Variants in OXR1 observed in about 807,000 individuals in gnomAD.
The protein encoded by OXR1 is oxidation resistance 1.
In OXR1, 41 loss-of-function variants were observed where a neutral mutation model predicts 104.6. The ratio of observed to expected loss-of-function variants is 0.39; its 90% CI spans 0.31 to 0.51. The LOEUF (loss-of-function observed/expected upper bound fraction) is 0.51, where lower values mean the gene tolerates loss of function less well. OXR1 is among the 20% of genes least tolerant of loss of function. The probability of loss-of-function intolerance (pLI) is 0.77; values close to 1 mark genes in which losing one functional copy is unlikely to be tolerated. For missense variants in OXR1, 955 were observed against 1,031.9 expected, an observed-to-expected ratio of 0.93 and a Z score of 1.02; for synonymous variants, 348 against 348.4, an observed-to-expected ratio of 1.00 and a Z score of 0.01.
chr8:106,445,083 A>C (rs545976809), intron 2 of OXR1, among the ~76,000 whole-genome samples: 26 of 152,198 alleles, frequency 1.7e-4, no homozygotes, highest in Non-Finnish European at 3.5e-4. Flanking sequence ...CCATTTATTT[A>C]CAGGGAATTA....
At chr8:106,730,359 GC>G (rs1376928817) in intron 11 of OXR1, among the ~76,000 whole-genome samples, 2 of 151,824 alleles carry the variant, frequency 1.3e-5, no homozygotes, top group Non-Finnish European at 2.9e-5. Context: ...TAATTTTTCT[GC>G]CCTAAAAATT....
intron 1 of OXR1, among the ~76,000 whole-genome samples, chr8:106,320,905 C>G (rs934882822): frequency 6.6e-6 from 1 of 152,186 alleles, no homozygotes; most frequent in Non-Finnish European, 1.5e-5. Flanking sequence ...CTCCTGGCCT[C>G]AAGTGATCCA....
At chr8:106,431,902 G>A (rs961876027) in intron 2 of OXR1, among the ~76,000 whole-genome samples, 1 of 152,142 alleles carries the variant, frequency 6.6e-6, no homozygotes, top group Non-Finnish European at 1.5e-5. Context: ...GATGATACAT[G>A]TTCACATCAT....
At chr8:106,721,612 G>A (rs999835895) in intron 11 of OXR1, among the ~76,000 whole-genome samples, 1 of 152,042 alleles carries the variant, frequency 6.6e-6, no homozygotes, top group Non-Finnish European at 1.5e-5. Context: ...ATCTTTTTAG[G>A]TACATGACAT....
At chr8:106,601,771 A>C (rs773595578) in intron 3 of OXR1, among the ~76,000 whole-genome samples, 2 of 152,222 alleles carry the variant, frequency 1.3e-5, no homozygotes. Flanking sequence ...ATTAGGTTAC[A>C]TTATGTAGCA....
At chr8:106,404,398 C>G (rs1321268546) in intron 2 of OXR1, among the ~76,000 whole-genome samples, 1 of 152,152 alleles carries the variant, frequency 6.6e-6, no homozygotes, top group African/African-American at 2.4e-5. Flanking sequence ...CTCATTTTAA[C>G]AGTAGAGAAC....
At chr8:106,638,277 T>C (rs1026726978) in intron 3 of OXR1, among the ~76,000 whole-genome samples, 1 of 152,332 alleles carries the variant, frequency 6.6e-6, no homozygotes, top group African/African-American at 2.4e-5. Flanking sequence ...TTCTAATTAA[T>C]CTTTCAAGTC....
intron 11 of OXR1, among the ~76,000 whole-genome samples, chr8:106,724,229 T>C (rs1360320774): frequency 6.6e-6 from 1 of 152,232 alleles, no homozygotes; most frequent in Non-Finnish European, 1.5e-5. Flanking sequence ...ATCTGAATTA[T>C]GAGAACAGAT....
chr8:106,695,439 A>T (rs1829913863), intron 7 of OXR1, among the ~76,000 whole-genome samples: 1 of 147,566 alleles, frequency 6.8e-6, no homozygotes, highest in African/African-American at 2.5e-5. Context: ...TTTCTCCGAG[A>T]CAGAGTCTCA....
chr8:106,403,071 C>T (rs1012317583), intron 2 of OXR1, among the ~76,000 whole-genome samples: 1 of 152,182 alleles, frequency 6.6e-6, no homozygotes, highest in African/African-American at 2.4e-5. Context: ...CCACCCGTCT[C>T]GGCCTCCCGA....
intron 5 of OXR1, among the ~76,000 whole-genome samples, 165 bp from the exon 6 acceptor site, chr8:106,684,081 G>A (rs1441528614): frequency 6.6e-6 from 1 of 152,084 alleles, no homozygotes; most frequent in Admixed American, 6.5e-5. Context: ...TGTCTAAACT[G>A]ATTTTAAAGG....
At chr8:106,367,526 A>T (rs1013112229) in intron 2 of OXR1, among the ~76,000 whole-genome samples, 3 of 152,176 alleles carry the variant, frequency 2.0e-5, no homozygotes, top group South Asian at 2.1e-4. Flanking sequence ...ATTAGAATTT[A>T]AAAATATTTA....
chr8:106,657,687 T>C, intron 3 of OXR1: 1 of 320,634 alleles, frequency 3.1e-6, no homozygotes, highest in African/African-American at 2.2e-5. Flanking sequence ...CCGCATCGGT[T>C]CCAGGAAGAA....
intron 1 of OXR1, among the ~76,000 whole-genome samples, chr8:106,285,788 A>G (rs1039804139): frequency 4.6e-5 from 7 of 151,552 alleles, no homozygotes; most frequent in Non-Finnish European, 2.9e-5. Flanking sequence ...CACGACGTCA[A>G]CAAGAGCCTT....
At chr8:106,733,355 C>T (rs935840687) in intron 11 of OXR1, among the ~76,000 whole-genome samples, 1 of 152,146 alleles carries the variant, frequency 6.6e-6, no homozygotes, top group Non-Finnish European at 1.5e-5. Flanking sequence ...TTCTCTCACT[C>T]TCATCTATCC....
chr8:106,372,406 T>C (rs1311256293), intron 2 of OXR1, among the ~76,000 whole-genome samples: 1 of 150,354 alleles, frequency 6.7e-6, no homozygotes, highest in Non-Finnish European at 1.5e-5. Context: ...ATGCTTATTA[T>C]GTTTTTTTTT....
chr8:106,637,221 T>TA (rs1823215150), intron 3 of OXR1, among the ~76,000 whole-genome samples: 1 of 152,168 alleles, frequency 6.6e-6, no homozygotes, highest in South Asian at 2.1e-4. Flanking sequence ...TTCATGATTA[T>TA]AAAATATAAT....
chr8:106,659,831 T>C (rs2131079278), intron 3 of OXR1, among the ~76,000 whole-genome samples: 1 of 152,334 alleles, frequency 6.6e-6, no homozygotes, highest in Non-Finnish European at 1.5e-5. Flanking sequence ...TATGTGTTTA[T>C]ATATGTGGAG....
chr8:106,366,758 G>T (rs974407683), intron 2 of OXR1, among the ~76,000 whole-genome samples: 2 of 151,882 alleles, frequency 1.3e-5, no homozygotes, highest in African/African-American at 4.8e-5. Flanking sequence ...GGGTGTGAGA[G>T]CCTGAAACCA....
Sources: allele counts gnomAD v4.1 joint callset (sites outside exome capture counted in the v4.1 genomes callset), GRCh38; gene constraint gnomAD v4.1.1; transcripts MANE v1.5; gene names NCBI Gene and HGNC (gene_info 2026-07-23, HGNC 2026-07-21).